Variants in SMG6 observed in about 807,000 individuals in gnomAD.
SMG6 encodes telomerase-binding protein EST1A.
Under a neutral mutation model 142.2 loss-of-function variants are expected in SMG6, and 66 were observed. The observed-to-expected ratio is 0.46, with a 90% CI of 0.38 to 0.57. The LOEUF (loss-of-function observed/expected upper bound fraction) is 0.57. Among genes scored for constraint, SMG6 ranks in the 20% least tolerant of loss-of-function variants. SMG6 has a pLI of 0.00. For synonymous variants in SMG6, 779 were observed against 702.4 expected (o/e 1.11, Z -1.72); for missense variants, 1,793 against 1,832.0 (o/e 0.98, Z 0.39).
chr17:2,250,288 G>C (rs918745337), intron 8 of SMG6, among the ~76,000 whole-genome samples: 3 of 152,114 alleles, frequency 2.0e-5, no homozygotes, highest in African/African-American at 4.8e-5. Flanking sequence ...GGACAGTAAG[G>C]GTAGTCAGTA....
chr17:2,152,654 A>G (rs530653626), intron 13 of SMG6, among the ~76,000 whole-genome samples: 111 of 152,364 alleles, frequency 7.3e-4, no homozygotes, highest in African/African-American at 2.6e-3. Flanking sequence ...GGTACCTAGT[A>G]TAATTATTAA....
At chr17:2,205,204 G>C (rs2072642243) in intron 10 of SMG6, among the ~76,000 whole-genome samples, 1 of 152,146 alleles carries the variant, frequency 6.6e-6, no homozygotes, top group African/African-American at 2.4e-5. Context: ...AAGTAGCTGG[G>C]ATTACAGGTG....
intron 8 of SMG6, among the ~76,000 whole-genome samples, chr17:2,249,139 C>A (rs888781249): frequency 6.6e-6 from 1 of 151,998 alleles, no homozygotes; most frequent in Non-Finnish European, 1.5e-5. Flanking sequence ...GTGATCCGCC[C>A]GCCTTGGCCT....
chr17:2,194,131 A>G (rs1431403403), intron 10 of SMG6, among the ~76,000 whole-genome samples: 2 of 152,198 alleles, frequency 1.3e-5, no homozygotes, highest in African/African-American at 2.4e-5. Flanking sequence ...GAGATGAACA[A>G]TGATGGAGTT....
chr17:2,077,429 G>A (rs577231634), intron 15 of SMG6, among the ~76,000 whole-genome samples: 41 of 152,174 alleles, frequency 2.7e-4, no homozygotes, highest in Non-Finnish European at 5.1e-4. Flanking sequence ...GGGGATTGAA[G>A]GAGGAATAGA....
rs528704525 is a variant in SMG6 at position 2,256,574 on chromosome 17, C to T, written c.2662-11855G>A. Among the ~76,000 whole-genome samples, 6 of 151,762 alleles carry T rather than the reference C, an allele frequency of 4.0e-5. No homozygotes were observed. In the East Asian group the frequency reaches 1.2e-3, roughly 29 times the overall value. The stretch of plus-strand genomic sequence containing the variant: ...CTCAGGAGTTTGAGACCAGCCTGGG[C>T]CAACATGGCAAAACTCCATCTTTAC... On this transcript the variant is annotated intron_variant, in intron 8 of 18. Coordinates refer to ENST00000263073, the MANE Select transcript of SMG6 (RefSeq NM_017575.5).
chr17:2,091,367 G>A (rs899219081), intron 13 of SMG6, among the ~76,000 whole-genome samples: 1 of 152,200 alleles, frequency 6.6e-6, no homozygotes, highest in African/African-American at 2.4e-5. Flanking sequence ...GACACAGGCA[G>A]TAGCTTAGGA....
intron 9 of SMG6, among the ~76,000 whole-genome samples, chr17:2,242,299 T>A (rs1328218795): frequency 7.2e-6 from 1 of 137,998 alleles, no homozygotes; most frequent in African/African-American, 2.8e-5. Flanking sequence ...GACCACGAGG[T>A]CAGGAGATCG....
intron 13 of SMG6, among the ~76,000 whole-genome samples, chr17:2,119,273 G>A (rs557069733): frequency 3.3e-5 from 5 of 152,060 alleles, no homozygotes; most frequent in African/African-American, 2.4e-5. Context: ...TAGCCAGGAC[G>A]GTCTCAATCT....
intron 1 of SMG6, chr17:2,303,287 G>T (rs2075326770): frequency 9.2e-7 from 1 of 1,089,230 alleles, no homozygotes; most frequent in Non-Finnish European, 1.1e-6. Flanking sequence ...TACGCCCGGG[G>T]CCTCCACCAG....
At chr17:2,293,469 T>C (rs1038464617) in intron 4 of SMG6, among the ~76,000 whole-genome samples, 3 of 100,294 alleles carry the variant, frequency 3.0e-5, no homozygotes, top group East Asian at 8.8e-4. Flanking sequence ...ATTCTTTTTT[T>C]TCCCCCCTAA....
At chr17:2,148,422 T>C (rs1406550177) in intron 13 of SMG6, among the ~76,000 whole-genome samples, 2 of 152,208 alleles carry the variant, frequency 1.3e-5, no homozygotes, top group African/African-American at 4.8e-5. Context: ...CAGAATATTA[T>C]TCAGCATTAA....
intron 8 of SMG6, among the ~76,000 whole-genome samples, chr17:2,261,257 T>G (rs2074306791): frequency 6.6e-6 from 1 of 150,718 alleles, no homozygotes; most frequent in African/African-American, 2.4e-5. Context: ...GAGCTTGCAG[T>G]GAGCCAAGAT....
intron 13 of SMG6, among the ~76,000 whole-genome samples, chr17:2,111,406 T>C (rs2069313191): frequency 6.6e-6 from 1 of 152,142 alleles, no homozygotes. Context: ...GGTCCTTTCT[T>C]ATCTCGCTCA....
At chr17:2,300,741 C>T in intron 1 of SMG6, 77 bp from the exon 2 acceptor site, 2 of 1,342,864 alleles carry the variant, frequency 1.5e-6, no homozygotes, top group Admixed American at 2.5e-5. Flanking sequence ...GAAAGACTGT[C>T]ATTCTGGTTA....
intron 10 of SMG6, among the ~76,000 whole-genome samples, chr17:2,234,706 A>AATTATT (rs201482826): frequency 1.3e-5 from 2 of 150,798 alleles, no homozygotes; most frequent in Admixed American, 1.3e-4. Context: ...TTTAATTCTT[A>AATTATT]ATTATTATTA....
intron 10 of SMG6, among the ~76,000 whole-genome samples, chr17:2,213,327 G>C (rs1176138252): frequency 6.6e-6 from 1 of 152,196 alleles, no homozygotes; most frequent in African/African-American, 2.4e-5. Flanking sequence ...TCAGGATTCT[G>C]GAGAAGCTCA....
rs1164482362 is a variant in SMG6, at chr17:2,299,295, T to C, written c.1458A>G (p.Thr486=). 1.2e-6 allele frequency: 2 copies of C among 1,613,880 alleles called. No homozygotes were observed. Among genetic ancestry groups the C allele is most frequent in the African/African-American group, 1.3e-5 (1 of 74,834 alleles). ...FLDTDDEVSP[T]SWGDSRQAQA... ...GAGCCTGGCGTGAGTCACCCCAAGA[T>C]GTAGGGCTGACTTCATCATCAGTGT... is the stretch of plus-strand genomic sequence containing the variant. The change falls in exon 2 of 19, where the codon ACA becomes ACG. Residue 486 remains threonine (T), a synonymous_variant. Transcript: ENST00000263073. The surrounding 1 kb of genome is among the most constrained non-coding windows in gnomAD (Gnocchi z 4.3).
chr17:2,098,907 A>G (rs1348725903), intron 13 of SMG6, among the ~76,000 whole-genome samples: 1 of 152,216 alleles, frequency 6.6e-6, no homozygotes, highest in East Asian at 1.9e-4. Context: ...CTGGAATTAC[A>G]GGCGTGAGCC....
Sources: gnomAD v4.1 joint callset for allele counts (sites outside exome capture counted in the v4.1 genomes callset) on GRCh38, gnomAD v4.1.1 for gene constraint, Gnocchi (gnomAD v3.1) non-coding constraint, MANE v1.5 for transcripts, NCBI Gene and HGNC (gene_info 2026-07-23, HGNC 2026-07-21) for gene names.